The following TENM2 variants were observed in gnomAD, a reference collection of about 807,000 sequenced individuals.
TENM2 encodes teneurin-2.
A neutral mutation model predicts 245.2 loss-of-function variants in TENM2; 52 were observed. The ratio of observed to expected loss-of-function variants is 0.21; its 90% CI spans 0.17 to 0.27. The LOEUF (loss-of-function observed/expected upper bound fraction) is 0.27, where lower values mean the gene tolerates loss of function less well. Among genes scored for constraint, TENM2 ranks in the 10% least tolerant of loss-of-function variants. The pLI, the probability that TENM2 is intolerant of heterozygous loss-of-function variation, is 1.00. For missense variants in TENM2, 3,046 were observed against 3,666.8 expected (o/e 0.83, Z 4.37); for synonymous variants, 1,363 against 1,438.9 (o/e 0.95, Z 1.19).
the TENM2 span, among the ~76,000 whole-genome samples, chr5:167,181,959 T>C: frequency 6.6e-6 from 1 of 152,200 alleles, no homozygotes; most frequent in East Asian, 1.9e-4. Flanking sequence ...TGTTTATTTC[T>C]ACAAGAAAGG....
intron 1 of TENM2, among the ~76,000 whole-genome samples, chr5:167,290,769 CAAAAA>C (rs35347108): frequency 1.6e-5 from 2 of 122,566 alleles, no homozygotes; most frequent in Non-Finnish European, 3.8e-5. Flanking sequence ...TTTTACAAGT[CAAAAA>C]AAAAAAAAAT....
chr5:168,004,193 T>C (rs936215252), intron 5 of TENM2, among the ~76,000 whole-genome samples: 3 of 152,214 alleles, frequency 2.0e-5, no homozygotes, highest in African/African-American at 7.2e-5. Flanking sequence ...AATCCTGATT[T>C]GTAAAAAAAT....
intron 2 of TENM2, among the ~76,000 whole-genome samples, chr5:167,716,101 A>T (rs1443476753): frequency 2.6e-5 from 4 of 152,212 alleles, no homozygotes; most frequent in African/African-American, 9.7e-5. Flanking sequence ...CTTCAAGGCC[A>T]TGGAGGAGCA....
intron 3 of TENM2, among the ~76,000 whole-genome samples, chr5:167,940,413 TA>T (rs1479642678): frequency 6.6e-6 from 1 of 152,128 alleles, no homozygotes; most frequent in Non-Finnish European, 1.5e-5. Context: ...ATGAGTTTTT[TA>T]AAAAATGGGT....
the TENM2 span, among the ~76,000 whole-genome samples, chr5:167,011,403 A>G: frequency 6.6e-6 from 1 of 152,220 alleles, no homozygotes; most frequent in Non-Finnish European, 1.5e-5. Context: ...GTGAATGCCT[A>G]AATGTCTGGA....
rs111954345 is a variant in TENM2, at chr5:167,743,396, G to A, written c.503-132590G>A. ...AGACATCATTAGAAAGACAAAAAGA[G>A]ACATCATTCTCAAAATGCACTGCGT... On this transcript the variant is annotated intron_variant, in intron 2 of 28. Coordinates refer to ENST00000518659, the Ensembl canonical transcript of TENM2. 4.7e-4 allele frequency among the ~76,000 whole-genome samples: 72 copies of A among 152,286 alleles called. 1 individual carries two copies. Among genetic ancestry groups the A allele is most frequent in the African/African-American group, 1.7e-3 (72 of 41,564 alleles).
chr5:168,142,626 G>A (rs901617691), intron 12 of TENM2, among the ~76,000 whole-genome samples: 3 of 152,212 alleles, frequency 2.0e-5, no homozygotes, highest in African/African-American at 7.2e-5. Flanking sequence ...AAGCCAAGCT[G>A]AGAATAGCTT....
intron 2 of TENM2, among the ~76,000 whole-genome samples, chr5:167,537,041 C>T (rs143456471): frequency 2.9e-4 from 44 of 152,014 alleles, no homozygotes; most frequent in Non-Finnish European, 4.9e-4. Flanking sequence ...AAAGATTAGA[C>T]GTCCCATCCC....
chr5:167,941,684 CAA>C lies in TENM2; in HGVS notation c.713-10885_713-10884del, dbSNP rs981805963. ...CAACATAGCAAAATCCCATCTCTACCAAAAAAAAAAAAAAAAAAAATTAGCCA... is the reference window on the plus strand; with the variant it reads ...CAACATAGCAAAATCCCATCTCTACCAAAAAAAAAAAAAAAAAATTAGCCA... On this transcript the variant is annotated intron_variant, in intron 3 of 28. Coordinates refer to ENST00000518659, the Ensembl canonical transcript of TENM2. Among the ~76,000 whole-genome samples the C allele has an allele frequency of 5.8e-3, 643 of 109,954 alleles. 4 individuals are homozygous for C. Among genetic ancestry groups the C allele is most frequent in the African/African-American group, 0.017 (533 of 31,208 alleles). 72.1% of individuals were successfully genotyped at this position (109,954 alleles called of 152,430 possible). A position where few individuals can be genotyped will look rare whatever the true frequency, so the allele number is the denominator to read the frequency against.
At chr5:167,082,494 C>T in the TENM2 span, among the ~76,000 whole-genome samples, 1 of 152,024 alleles carries the variant, frequency 6.6e-6, no homozygotes. Flanking sequence ...ACCATGTTAG[C>T]CAGGCTGGTC....
chr5:167,334,817 G>A (rs538819000), intron 1 of TENM2, among the ~76,000 whole-genome samples: 4 of 152,258 alleles, frequency 2.6e-5, no homozygotes, highest in African/African-American at 4.8e-5. Context: ...TTTTGCAATC[G>A]TCACTCAAGC....
intron 2 of TENM2, among the ~76,000 whole-genome samples, chr5:167,807,399 C>A (rs1256416843): frequency 2.0e-5 from 3 of 152,004 alleles, no homozygotes; most frequent in Non-Finnish European, 4.4e-5. Flanking sequence ...ACCTTGCCCA[C>A]TACATAGCAC....
At chr5:167,544,126 T>A (rs1342518821) in intron 2 of TENM2, among the ~76,000 whole-genome samples, 1 of 152,128 alleles carries the variant, frequency 6.6e-6, no homozygotes, top group African/African-American at 2.4e-5. Flanking sequence ...AAGAAGTAAC[T>A]GTACTGGGAG....
chr5:167,817,342 TTTTA>T (rs1767137685), intron 2 of TENM2, among the ~76,000 whole-genome samples: 1 of 152,210 alleles, frequency 6.6e-6, no homozygotes, highest in African/African-American at 2.4e-5. Context: ...TCAAGATATC[TTTTA>T]TTTGTTTATA....
At chr5:167,328,247 G>T (rs572188664) in intron 1 of TENM2, among the ~76,000 whole-genome samples, 1 of 125,722 alleles carries the variant, frequency 8.0e-6, no homozygotes, top group African/African-American at 3.2e-5. Flanking sequence ...TTGCTCTGTC[G>T]CCAGGCTGGA....
chr5:167,651,095 T>A (rs1019409375), intron 2 of TENM2, among the ~76,000 whole-genome samples: 2 of 151,928 alleles, frequency 1.3e-5, no homozygotes, highest in African/African-American at 4.8e-5. Context: ...ACTTGAAGTG[T>A]GGCTGAAGAA....
intron 2 of TENM2, among the ~76,000 whole-genome samples, chr5:167,583,510 A>ACACACACACACACC (rs777180325): frequency 5.3e-5 from 8 of 149,894 alleles, no homozygotes; most frequent in African/African-American, 2.0e-4. Context: ...ACACACACAC[A>ACACACACACACACC]CCCCAAACCT....
chr5:167,501,137 C>T (rs765039642), intron 2 of TENM2, among the ~76,000 whole-genome samples: 4 of 152,160 alleles, frequency 2.6e-5, no homozygotes, highest in South Asian at 2.1e-4. Flanking sequence ...TTCTTCCATT[C>T]GCAGATGCCT....
intron 2 of TENM2, among the ~76,000 whole-genome samples, chr5:167,749,115 C>T (rs1217970064): frequency 6.6e-6 from 1 of 151,860 alleles, no homozygotes; most frequent in Non-Finnish European, 1.5e-5. Flanking sequence ...TTACATATTT[C>T]TTGGAATAAT....
Sources: gnomAD v4.1 joint callset for allele counts (sites outside exome capture counted in the v4.1 genomes callset) on GRCh38, gnomAD v4.1.1 for gene constraint, MANE v1.5 for transcripts, NCBI Gene and HGNC (gene_info 2026-07-23, HGNC 2026-07-21) for gene names.